Variants in PRCP observed in about 807,000 individuals in gnomAD.
The protein encoded by PRCP is lysosomal Pro-X carboxypeptidase.
A neutral mutation model predicts 54.2 loss-of-function variants in PRCP; 46 were observed. That is an observed-to-expected ratio of 0.85 (90% CI 0.67 to 1.09). The LOEUF is 1.09. PRCP is among the 50% of genes least tolerant of loss of function. The pLI is 0.00. For missense variants in PRCP, 613 were observed against 596.8 expected (o/e 1.03, Z -0.28); for synonymous variants, 240 against 212.2 (o/e 1.13, Z -1.14).
At chr11:82,871,782 C>T (rs1015892039) in intron 1 of PRCP, among the ~76,000 whole-genome samples, 1 of 152,198 alleles carries the variant, frequency 6.6e-6, no homozygotes. Flanking sequence ...CCATATAACA[C>T]TATATTCTAA....
At chr11:82,844,504 A>G (rs1035503767) in intron 6 of PRCP, among the ~76,000 whole-genome samples, 4 of 152,152 alleles carry the variant, frequency 2.6e-5, no homozygotes, top group Admixed American at 2.6e-4. Context: ...TGGGAGGCTG[A>G]GGCGGGTGGA....
At chr11:82,885,837 C>T (rs1859851086) in intron 1 of PRCP, among the ~76,000 whole-genome samples, 1 of 152,138 alleles carries the variant, frequency 6.6e-6, no homozygotes, top group African/African-American at 2.4e-5. Context: ...GTTGGGAAAG[C>T]TTAAAATGGA....
chr11:82,897,205 C>T (rs1860137762), intron 1 of PRCP, among the ~76,000 whole-genome samples: 2 of 151,928 alleles, frequency 1.3e-5, no homozygotes, highest in African/African-American at 4.8e-5. Flanking sequence ...TAAAAGAAAT[C>T]AAATAGTCCT....
At chr11:82,879,472 A>T (rs563431142) in intron 1 of PRCP, among the ~76,000 whole-genome samples, 1 of 152,168 alleles carries the variant, frequency 6.6e-6, no homozygotes, top group East Asian at 1.9e-4. Context: ...GATGGGTTCA[A>T]ACATCCTCCT....
At chr11:82,899,236 T>C (rs1860194694) in intron 1 of PRCP, among the ~76,000 whole-genome samples, 1 of 152,188 alleles carries the variant, frequency 6.6e-6, no homozygotes. Flanking sequence ...TATAACCACA[T>C]ATTATATGAG....
upstream of PRCP, chr11:82,901,627 T>A (rs979501904): frequency 3.3e-5 from 5 of 152,362 alleles, no homozygotes; most frequent in Non-Finnish European, 7.3e-5. Context: ...TTCCAGATGC[T>A]TGTAGGATTT....
intron 1 of PRCP, among the ~76,000 whole-genome samples, chr11:82,876,396 A>G (rs1859603355): frequency 6.6e-6 from 1 of 152,360 alleles, no homozygotes; most frequent in East Asian, 1.9e-4. Context: ...ATACTGTGGT[A>G]TTAAACAAAA....
intron 1 of PRCP, among the ~76,000 whole-genome samples, chr11:82,869,285 G>A (rs1475425272): frequency 6.7e-6 from 1 of 149,092 alleles, no homozygotes; most frequent in Non-Finnish European, 1.5e-5. Context: ...GAGCCCAGAA[G>A]TTCAAGGTTA....
intron 1 of PRCP, among the ~76,000 whole-genome samples, chr11:82,876,422 A>G (rs1859603652): frequency 6.6e-6 from 1 of 152,236 alleles, no homozygotes; most frequent in Admixed American, 6.5e-5. Context: ...ACAAAAGTAC[A>G]TTACAACCAT....
In PRCP at chr11:82,839,381, C is replaced by A; in HGVS notation, c.966G>T (p.Leu322=). The A allele has an allele frequency of 6.2e-7, 1 of 1,613,584 alleles. No homozygotes were observed. Among genetic ancestry groups the A allele is most frequent in the Non-Finnish European group, 8.5e-7 (1 of 1,179,716 alleles). Reference sequence around the variant, plus strand: ...GAGCTTGGAAAATATTCTGCAGCAGCAGTGAATCAGATACATTGGGATTTT... The same window carrying A: ...GAGCTTGGAAAATATTCTGCAGCAGAAGTGAATCAGATACATTGGGATTTT... ...YLKNPNVSDS[L]LLQNIFQALN... The change falls in exon 7 of 9, where the codon CTG becomes CTT. Residue 322 remains leucine (L), a synonymous_variant. Transcript: ENST00000313010.
rs534800555 is a variant in PRCP, at chr11:82,849,233, A to G, written c.752-15T>C. The G allele has an allele frequency of 6.2e-7, 1 of 1,613,308 alleles. No individual in the cohort carries two copies. The highest frequency in any genetic ancestry group is 1.1e-5 in the South Asian group (1 of 91,000). ...CAAACCACTGCCTGGGAATAGAATC[A>G]CACTGTTGGAATCTAAAAAGTACTG... On this transcript the variant is annotated splice_polypyrimidine_tract_variant and intron_variant, in intron 5 of 8. Transcript: ENST00000313010.
At chr11:82,880,831 T>C (rs995493446) in intron 1 of PRCP, among the ~76,000 whole-genome samples, 3 of 121,508 alleles carry the variant, frequency 2.5e-5, no homozygotes, top group South Asian at 2.6e-4. Flanking sequence ...TCTGCCCTTA[T>C]GGAGGAAAAA....
At chr11:82,898,648 A>G (rs1281967178) in intron 1 of PRCP, among the ~76,000 whole-genome samples, 1 of 152,222 alleles carries the variant, frequency 6.6e-6, no homozygotes, top group Non-Finnish European at 1.5e-5. Context: ...ACAGCTCCCC[A>G]AAGAGCCCTT....
rs1249897525 is a variant in PRCP at position 82,823,402 on chromosome 11, G to A, written c.*1504C>T. The A allele has an allele frequency of 6.6e-6, 1 of 152,074 alleles. No individual in the cohort carries two copies. The highest frequency in any genetic ancestry group is 1.5e-5 in the Non-Finnish European group (1 of 68,004). The allele number at this position is 152,074 out of a possible 1,614,324, so 9.4% of individuals were successfully genotyped here. A position where few individuals can be genotyped will look rare whatever the true frequency, so the allele number is the denominator to read the frequency against. ...TGCTGAAACAAAATAGTTACCAAAT[G>A]CTTTGATAGACAACTCATTACAATG... On this transcript the variant is annotated 3_prime_UTR_variant, in exon 9 of 9. Coordinates refer to ENST00000313010, the MANE Select transcript of PRCP (RefSeq NM_005040.4).
In PRCP at chr11:82,861,483, T is replaced by G. The variant is rs138873225; in HGVS notation, c.169-1366A>C. Among the ~76,000 whole-genome samples the G allele has an allele frequency of 1.7e-3, 252 of 152,324 alleles. 1 individual carries two copies. Among genetic ancestry groups the G allele is most frequent in the African/African-American group, 5.9e-3 (246 of 41,582 alleles). ...CTACAATGGAAGGATCAGGCTGCTA[T>G]CACTTTAATCTAGTAATTAATTTTG... On this transcript the variant is annotated intron_variant, in intron 1 of 8. Transcript: ENST00000313010.
At chr11:82,876,217 G>A (rs1417654513) in intron 1 of PRCP, among the ~76,000 whole-genome samples, 1 of 152,136 alleles carries the variant, frequency 6.6e-6, no homozygotes, top group Admixed American at 6.5e-5. Flanking sequence ...ACGTTGAAAT[G>A]CTGATTGTGC....
intron 8 of PRCP, chr11:82,831,250 C>T (rs1247806398): frequency 1.8e-5 from 2 of 110,932 alleles, no homozygotes; most frequent in East Asian, 2.6e-4. Context: ...AAAATAATGC[C>T]TACAAGTTGG....
At chr11:82,880,558 C>A (rs1393577449) in intron 1 of PRCP, among the ~76,000 whole-genome samples, 1 of 152,156 alleles carries the variant, frequency 6.6e-6, no homozygotes, top group Non-Finnish European at 1.5e-5. Context: ...GTGAGAAGAA[C>A]CCAGTACCTC....
chr11:82,823,713 C>T lies in PRCP; in HGVS notation c.*1193G>A, dbSNP rs984587415. 1 of 151,588 alleles carries T rather than the reference C, an allele frequency of 6.6e-6. No individual in the cohort carries two copies. The highest frequency in any genetic ancestry group is 1.5e-5 in the Non-Finnish European group (1 of 68,036). The allele number at this position is 151,588 out of a possible 1,614,324, so 9.4% of individuals were successfully genotyped here. A position where few individuals can be genotyped will look rare whatever the true frequency, so the allele number is the denominator to read the frequency against. Reference sequence around the variant, plus strand: ...AAACTGTTAGTCTCTCTCTCTCTGTCTCTCTGTGTCCCTGAAAGGTTTTGA... The same window carrying T: ...AAACTGTTAGTCTCTCTCTCTCTGTTTCTCTGTGTCCCTGAAAGGTTTTGA... On this transcript the variant is annotated 3_prime_UTR_variant, in exon 9 of 9. Coordinates refer to ENST00000313010, the MANE Select transcript of PRCP (RefSeq NM_005040.4).
Sources: allele counts gnomAD v4.1 joint callset (sites outside exome capture counted in the v4.1 genomes callset), GRCh38; gene constraint gnomAD v4.1.1; transcripts MANE v1.5; gene names NCBI Gene and HGNC (gene_info 2026-07-23, HGNC 2026-07-21).